Variants in PAGE3 observed in about 807,000 individuals in gnomAD.
The protein encoded by PAGE3 is PAGE family member 3, also known as P antigen family member 3.
In PAGE3, 9 loss-of-function variants were observed where a neutral mutation model predicts 3.8. That is an observed-to-expected ratio of 2.36 (90% confidence interval 1.42 to 4.12). PAGE3 has a LOEUF of 4.12. Ranked by LOEUF, PAGE3 falls within the 30% of genes most tolerant of loss-of-function variation. The pLI, the probability that PAGE3 is intolerant of heterozygous loss-of-function variation, is 0.00. For synonymous variants in PAGE3, 24 were observed against 13.1 expected, an observed-to-expected ratio of 1.83 and a Z score of -1.79; for missense variants, 73 against 37.8, an observed-to-expected ratio of 1.93 and a Z score of -2.44.
chrX:55,263,155 T>C (rs768333485), intron 3 of PAGE3, 96 bp downstream of exon 3: 4 of 437,367 alleles, frequency 9.1e-6, no homozygotes, highest in African/African-American at 2.5e-5. Context: ...GATCTCTTTC[T>C]ATTGCTTTTT....
intron 1 of PAGE3, among the ~76,000 whole-genome samples, 155 bp downstream of exon 1, chrX:55,264,391 C>T (rs1347736050): frequency 1.8e-5 from 2 of 110,869 alleles, no homozygotes; most frequent in African/African-American, 6.6e-5. Flanking sequence ...CACCGTGGAG[C>T]GCTCTACAGA....
At chrX:55,262,731 T>C (rs1481611418) in intron 3 of PAGE3, among the ~76,000 whole-genome samples, 1 of 94,227 alleles carries the variant, frequency 1.1e-5, no homozygotes, top group Non-Finnish European at 2.1e-5. Flanking sequence ...TATATATATA[T>C]ATGTAATATA....
chrX:55,258,500 C>T lies in PAGE3; in HGVS notation c.*6G>A, dbSNP rs1789325625. ...GACTGCATGTATGGTTTCAGCTTGT[C>T]TTCATTTAAACCGATGGTTGCCCTT... is the stretch of plus-strand genomic sequence containing the variant. On this transcript the variant is annotated 3_prime_UTR_variant, in exon 5 of 5. Transcript: ENST00000374951. 1 of 561,781 alleles carries T rather than the reference C, an allele frequency of 1.8e-6. No individual in the cohort carries two copies. Among genetic ancestry groups the T allele is most frequent in the Non-Finnish European group, 3.3e-6 (1 of 306,262 alleles). The allele number at this position is 561,781 out of a possible 1,213,427, so 46.3% of individuals were successfully genotyped here.
In PAGE3 at chrX:55,264,026, A is replaced by T. The variant is rs982862840; in HGVS notation, c.-8-115T>A. On this transcript the variant is annotated intron_variant, in intron 1 of 4. Coordinates refer to ENST00000374951, the MANE Select transcript of PAGE3 (RefSeq NM_001017931.3). ...ACGATTACCCTGGGACTTAATTTTAAGATGTTTTCAAAAATTTTTAGGTAT... is the reference window on the plus strand; with the variant it reads ...ACGATTACCCTGGGACTTAATTTTATGATGTTTTCAAAAATTTTTAGGTAT... 1.3e-5 allele frequency: 5 copies of T among 392,505 alleles called. No individual in the cohort carries two copies. In the South Asian group the frequency reaches 2.8e-4, roughly 22 times the overall value. 32.3% of individuals were successfully genotyped at this position (392,505 alleles called of 1,213,427 possible).
chrX:55,259,922 A>G (rs1242111740), intron 4 of PAGE3, among the ~76,000 whole-genome samples: 1 of 111,593 alleles, frequency 9.0e-6, no homozygotes, highest in Non-Finnish European at 1.9e-5. Context: ...TCAGGAATGT[A>G]GAGCAAAAGC....
intron 1 of PAGE3, among the ~76,000 whole-genome samples, chrX:55,264,301 C>T (rs1004607468): frequency 9.0e-6 from 1 of 111,050 alleles, no homozygotes; most frequent in Non-Finnish European, 1.9e-5. Context: ...CGCACAGCCT[C>T]TCCCATTCCT....
chrX:55,258,995 T>G (rs1250794030), intron 4 of PAGE3, among the ~76,000 whole-genome samples: 1 of 111,926 alleles, frequency 8.9e-6, no homozygotes, highest in Non-Finnish European at 1.9e-5. Context: ...TTTGTTTTGT[T>G]TCTGTTATGG....
chrX:55,260,502 C>G, intron 4 of PAGE3, 32 bp downstream of exon 4: 1 of 548,638 alleles, frequency 1.8e-6, no homozygotes, highest in Admixed American at 2.3e-5. Context: ...AAACAGAAAC[C>G]CCATAATTTG....
intron 2 of PAGE3, among the ~76,000 whole-genome samples, chrX:55,263,613 GC>G (rs1468607626): frequency 9.0e-6 from 1 of 111,504 alleles, no homozygotes; most frequent in Non-Finnish European, 1.9e-5. Flanking sequence ...GGAGAAGGAA[GC>G]CATAGAGAAT....
intron 4 of PAGE3, among the ~76,000 whole-genome samples, chrX:55,260,095 A>C (rs1048174441): frequency 1.8e-5 from 2 of 111,898 alleles, no homozygotes; most frequent in African/African-American, 6.5e-5. Flanking sequence ...CATTTTTATA[A>C]GAGCAAATAT....
At chrX:55,263,942 G>A in intron 1 of PAGE3, 31 bp from the exon 2 acceptor site, 1 of 533,956 alleles carries the variant, frequency 1.9e-6, no homozygotes, top group Non-Finnish European at 3.4e-6. Flanking sequence ...TTCAGAAAAT[G>A]TACATAAGAG....
At chrX:55,263,159 G>GT (rs1938321058) in intron 3 of PAGE3, 92 bp downstream of exon 3, 5 of 435,437 alleles carry the variant, frequency 1.1e-5, no homozygotes, top group East Asian at 7.8e-5. Context: ...TCTTTCTATT[G>GT]CTTTTTTCCT....
At chrX:55,260,692 G>A in intron 3 of PAGE3, 33 bp from the exon 4 acceptor site, 1 of 495,381 alleles carries the variant, frequency 2.0e-6, no homozygotes, top group East Asian at 3.7e-5. Flanking sequence ...AATTTAAGTT[G>A]TAAAACATAA....
At chrX:55,260,746 G>T in intron 3 of PAGE3, 87 bp from the exon 4 acceptor site, 1 of 404,765 alleles carries the variant, frequency 2.5e-6, no homozygotes. Context: ...TCAATGTTAT[G>T]AAATAAAAGC....
chrX:55,260,105 T>C (rs1338558179), intron 4 of PAGE3, among the ~76,000 whole-genome samples: 2 of 111,804 alleles, frequency 1.8e-5, no homozygotes, highest in Non-Finnish European at 3.8e-5. Flanking sequence ...AGAGCAAATA[T>C]GGGTTTAGAA....
chrX:55,264,010 C>G, intron 1 of PAGE3, 99 bp from the exon 2 acceptor site: 1 of 408,100 alleles, frequency 2.5e-6, no homozygotes, highest in African/African-American at 2.5e-5. Context: ...CACGATTACC[C>G]TGGGACTTAA....
Position 55,263,343 on chromosome X carries a change from C to G in PAGE3, c.101G>C (p.Ser34Thr), listed in dbSNP as rs754946853. The part of the protein sequence containing the change: ...VGAVVAQELP[S>T]NDQLQQEEPP... Reference sequence around the variant, plus strand: ...TTCCTCTTGTTGAAGCTGGTCATTACTGGGCAGCTCCTGGGCCTAGGAATA... The same window carrying G: ...TTCCTCTTGTTGAAGCTGGTCATTAGTGGGCAGCTCCTGGGCCTAGGAATA... The change falls in exon 3 of 5, where the codon AGT (serine) becomes ACT (threonine). Residue 34 changes from serine (S) to threonine (T), a missense_variant. Coordinates refer to ENST00000374951, the MANE Select transcript of PAGE3 (RefSeq NM_001017931.3). 24 of 567,129 alleles carry G rather than the reference C, an allele frequency of 4.2e-5. No homozygotes were observed. The highest frequency in any genetic ancestry group is 5.5e-5 in the Non-Finnish European group (17 of 308,512). The allele number at this position is 567,129 out of a possible 1,213,427, so 46.7% of individuals were successfully genotyped here. A position where few individuals can be genotyped will look rare whatever the true frequency, so the allele number is the denominator to read the frequency against.
At position 55,260,611 on chromosome X, in the gene PAGE3, C is replaced by T. The variant is rs940816228; in HGVS notation, c.242G>A (p.Gly81Glu). The change falls in exon 4 of 5, where the codon GGG becomes GAG. Residue 81 changes from glycine to glutamate, a missense_variant. By Grantham distance (98) the Gly-to-Glu change is moderately conservative (BLOSUM62 -2). Transcript: ENST00000374951. ...YLWELTRSKTGGERGDGPNVK... is the reference protein window; with the variant it reads ...YLWELTRSKTEGERGDGPNVK... Reference sequence around the variant, plus strand: ...ATTAGGACCATCTCCACGTTCACCCCCAGTCTTTGACCGAGTCAGTTCCCA... The same window carrying T: ...ATTAGGACCATCTCCACGTTCACCCTCAGTCTTTGACCGAGTCAGTTCCCA... 1.8e-6 allele frequency: 1 copy of T among 564,533 alleles called. No individual in the cohort carries two copies. Among genetic ancestry groups the T allele is most frequent in the Non-Finnish European group, 3.3e-6 (1 of 306,133 alleles). 46.5% of individuals were successfully genotyped at this position (564,533 alleles called of 1,213,427 possible).
intron 4 of PAGE3, among the ~76,000 whole-genome samples, chrX:55,259,703 CT>C (rs1288726517): frequency 1.5e-4 from 17 of 110,434 alleles, no homozygotes; most frequent in African/African-American, 4.3e-4. Flanking sequence ...AGACTTATAC[CT>C]GTCTTTTATT....
Sources: allele counts gnomAD v4.1 joint callset (sites outside exome capture counted in the v4.1 genomes callset), GRCh38; gene constraint gnomAD v4.1.1; transcripts MANE v1.5; gene names NCBI Gene and HGNC (gene_info 2026-07-23, HGNC 2026-07-21).